Variants in STAU1 observed in about 807,000 individuals in gnomAD.
The protein encoded by STAU1 is double-stranded RNA-binding protein Staufen homolog 1.
STAU1 carries 13 observed loss-of-function variants against 62.9 expected under a neutral mutation model. The observed-to-expected ratio is 0.21, with a 90% CI of 0.13 to 0.33. The LOEUF is 0.33. Among genes scored for constraint, STAU1 ranks in the 10% least tolerant of loss-of-function variants. STAU1 has a pLI of 1.00. For synonymous variants in STAU1, 269 were observed against 265.1 expected, an observed-to-expected ratio of 1.01 and a Z score of -0.14; for missense variants, 571 against 712.1, an observed-to-expected ratio of 0.80 and a Z score of 2.25.
rs758961346 is a variant in STAU1 at position 49,117,993 on chromosome 20, A to G, written c.1293T>C (p.Ser431=). ...TAAAATCTTTGGTGTGATGTCCTTG[A>G]CTAACTCCTACAGCCTGGGCGACCT... ...VPEVAQAVGV[S]QGHHTKDFTR... The change falls in exon 11 of 14, where the codon AGT becomes AGC. Residue 431 remains serine, a synonymous_variant. Coordinates refer to ENST00000371856, the MANE Select transcript of STAU1 (RefSeq NM_017453.4). The surrounding 1 kb of genome is among the most constrained non-coding windows in gnomAD (Gnocchi z 4.6). 4 of 1,614,052 alleles carry G rather than the reference A, an allele frequency of 2.5e-6. No individual in the cohort carries two copies. In the East Asian group the frequency reaches 6.7e-5, roughly 27 times the overall value.
intron 3 of STAU1, among the ~76,000 whole-genome samples, chr20:49,162,374 C>T: frequency 6.6e-6 from 1 of 152,116 alleles, no homozygotes. Context: ...AACATCTCTC[C>T]AGGACTACAA....
At chr20:49,154,588 A>C (rs1168383602) in intron 3 of STAU1, among the ~76,000 whole-genome samples, 1 of 152,188 alleles carries the variant, frequency 6.6e-6, no homozygotes, top group Non-Finnish European at 1.5e-5. Flanking sequence ...ATTCCTGGCC[A>C]GGCGTGGTGG....
chr20:49,165,900 G>A (rs6095455), intron 3 of STAU1, 97 bp downstream of exon 3: 2 of 1,254,302 alleles, frequency 1.6e-6, no homozygotes, highest in Non-Finnish European at 2.3e-6. Context: ...GCTTTTTGAA[G>A]GTAAATGTGA....
chr20:49,145,401 GC>G (rs1303085479), intron 5 of STAU1, among the ~76,000 whole-genome samples: 2 of 119,684 alleles, frequency 1.7e-5, no homozygotes, highest in Non-Finnish European at 3.3e-5. Flanking sequence ...TCCAGCCTGG[GC>G]AACAAAGCGA....
At chr20:49,148,484 GT>G (rs2093173747) in intron 5 of STAU1, among the ~76,000 whole-genome samples, 1 of 152,228 alleles carries the variant, frequency 6.6e-6, no homozygotes, top group South Asian at 2.1e-4. Flanking sequence ...AGTCGCAAGC[GT>G]TTAGGGTAAG....
At chr20:49,204,624 G>A in the STAU1 span, among the ~76,000 whole-genome samples, 303 of 37,712 alleles carry the variant, frequency 8.0e-3, no homozygotes, top group Middle Eastern at 0.038. Flanking sequence ...ATATATATAT[G>A]TGTATATATA....
intron 6 of STAU1, chr20:49,135,133 T>C: frequency 2.5e-6 from 2 of 794,236 alleles, no homozygotes; most frequent in East Asian, 2.6e-5. Context: ...AGCATGTCTT[T>C]ACTTGAAAAA....
In STAU1 at chr20:49,142,691, G is replaced by A. The variant is rs910798941; in HGVS notation, c.511-6760C>T. Among the ~76,000 whole-genome samples, 7 of 152,244 alleles carry A rather than the reference G, an allele frequency of 4.6e-5. 1 individual carries two copies. The highest frequency in any genetic ancestry group is 4.1e-4 in the South Asian group (2 of 4,822). ...TAAGTCCCCAGGTGACTGGAGTTGC[G>A]ATTCACTGCTCTAAGCCATTGCTTC... On this transcript the variant is annotated intron_variant, in intron 5 of 13. Coordinates refer to ENST00000371856, the MANE Select transcript of STAU1 (RefSeq NM_017453.4).
chr20:49,147,920 A>C (rs913434705), intron 5 of STAU1, among the ~76,000 whole-genome samples: 3 of 152,216 alleles, frequency 2.0e-5, no homozygotes. Context: ...TTACTTGTAT[A>C]TGTGCTTGTC....
chr20:49,211,733 C>T, the STAU1 span, among the ~76,000 whole-genome samples: 5 of 152,090 alleles, frequency 3.3e-5, no homozygotes, highest in Non-Finnish European at 5.9e-5. Context: ...ATCTTGAACT[C>T]CTGGCCTCAA....
intron 5 of STAU1, among the ~76,000 whole-genome samples, chr20:49,136,628 G>A (rs1042955373): frequency 6.6e-6 from 1 of 152,128 alleles, no homozygotes; most frequent in African/African-American, 2.4e-5. Context: ...AGATATATGT[G>A]GGACGTGGCA....
chr20:49,163,468 C>T (rs999491998), intron 3 of STAU1, among the ~76,000 whole-genome samples: 13 of 136,022 alleles, frequency 9.6e-5, no homozygotes, highest in Admixed American at 3.2e-4. Flanking sequence ...CTCTGTTGCC[C>T]AGACTGGAGT....
At chr20:49,177,189 C>T (rs1311207301) in intron 1 of STAU1, among the ~76,000 whole-genome samples, 2 of 150,896 alleles carry the variant, frequency 1.3e-5, no homozygotes, top group East Asian at 4.1e-4. Context: ...CGATTACAGG[C>T]GTGAGCCACC....
At chr20:49,127,570 G>A (rs2092657430) in intron 6 of STAU1, among the ~76,000 whole-genome samples, 9 of 151,746 alleles carry the variant, frequency 5.9e-5, no homozygotes, top group Admixed American at 5.9e-4. Context: ...GCTGAGTGTG[G>A]TGACACATGA....
chr20:49,169,097 T>C (rs975258412), intron 2 of STAU1, among the ~76,000 whole-genome samples: 1 of 151,954 alleles, frequency 6.6e-6, no homozygotes, highest in Admixed American at 6.6e-5. Flanking sequence ...ATTACAGGCG[T>C]GTACCACCAC....
chr20:49,178,909 T>TAAAAAAAAAA (rs11324304), intron 1 of STAU1, among the ~76,000 whole-genome samples: 1 of 116,430 alleles, frequency 8.6e-6, no homozygotes, highest in Non-Finnish European at 1.7e-5. Flanking sequence ...CCGTCTCCAC[T>TAAAAAAAAAA]AAAAAAAAAA....
rs755888494 is a variant in STAU1 at position 49,115,826 on chromosome 20, T to C, written c.1674A>G (p.Gln558=). The C allele has an allele frequency of 6.6e-5, 106 of 1,613,972 alleles. No homozygotes were observed. The highest frequency in any genetic ancestry group is 8.6e-5 in the Non-Finnish European group (102 of 1,180,008). Residue 558 remains glutamine (Q), a synonymous_variant, in exon 13 of 14, where the codon CAA becomes CAG. Transcript: ENST00000371856. Reference sequence around the variant, plus strand: ...CTGTTCTTGGCATCTCTGTACTTTGTTGGTCCAACTCAGACAGCAACTTTA... The same window carrying C: ...CTGTTCTTGGCATCTCTGTACTTTGCTGGTCCAACTCAGACAGCAACTTTA... ...NILKLLSELD[Q]QSTEMPRTGN...
At chr20:49,166,406 G>T (rs1215718939) in intron 2 of STAU1, 121 bp from the exon 3 acceptor site, 2 of 569,630 alleles carry the variant, frequency 3.5e-6, no homozygotes, top group South Asian at 2.1e-5. Context: ...TTAGCATGTA[G>T]CTATGTTGAT....
At position 49,153,251 on chromosome 20, in the gene STAU1, G is replaced by GAA. The variant is rs71184266; in HGVS notation, c.344+680_344+681dup. 1.7e-3 allele frequency among the ~76,000 whole-genome samples: 171 copies of GAA among 99,054 alleles called. 2 individuals carry two copies. Among genetic ancestry groups the GAA allele is most frequent in the South Asian group, 9.2e-3 (26 of 2,836 alleles). The allele number at this position is 99,054 out of a possible 152,430, so 65.0% of individuals were successfully genotyped here. A position where few individuals can be genotyped will look rare whatever the true frequency, so the allele number is the denominator to read the frequency against. ...GGCAACAGAGCGAGACTCCGTCTCAGAAAAAAAAAAAAAAAAAGAAGCACA... is the reference window on the plus strand; with the variant it reads ...GGCAACAGAGCGAGACTCCGTCTCAGAAAAAAAAAAAAAAAAAAAGAAGCACA... On this transcript the variant is annotated intron_variant, in intron 4 of 13. Transcript: ENST00000371856.
Sources: gnomAD v4.1 joint callset for allele counts (sites outside exome capture counted in the v4.1 genomes callset) on GRCh38, gnomAD v4.1.1 for gene constraint, Gnocchi (gnomAD v3.1) non-coding constraint, MANE v1.5 for transcripts, NCBI Gene and HGNC (gene_info 2026-07-23, HGNC 2026-07-21) for gene names.